The following CENPN variants were observed in gnomAD, a reference collection of about 807,000 sequenced individuals.
CENPN encodes centromere protein N.
A neutral mutation model predicts 48.6 loss-of-function variants in CENPN; 36 were observed. That is an observed-to-expected ratio of 0.74 (90% confidence interval 0.57 to 0.98). CENPN has a LOEUF of 0.98. Ranked by LOEUF, CENPN falls within the 50% of genes least tolerant of loss-of-function variation. CENPN has a pLI of 0.00. For missense variants in CENPN, 439 were observed against 399.2 expected, an observed-to-expected ratio of 1.10 and a Z score of -0.85; for synonymous variants, 166 against 135.2, an observed-to-expected ratio of 1.23 and a Z score of -1.58.
rs548305052 is a variant in CENPN, at chr16:81,029,241, C to A, written c.*590C>A. On this transcript the variant is annotated 3_prime_UTR_variant, in exon 11 of 11. Transcript: ENST00000305850. ...TTGTAAATATGATACTTCTCATAATCTATTTTATCATGTGTATAACATTCA... is the reference window on the plus strand; with the variant it reads ...TTGTAAATATGATACTTCTCATAATATATTTTATCATGTGTATAACATTCA... 9.8e-6 allele frequency: 9 copies of A among 920,130 alleles called. No individual in the cohort carries two copies. The African/African-American group carries it at 1.6e-4, about 16-fold the overall frequency. 57.0% of individuals were successfully genotyped at this position (920,130 alleles called of 1,614,324 possible). A position where few individuals can be genotyped will look rare whatever the true frequency, so the allele number is the denominator to read the frequency against.
chr16:81,024,609 T>G, intron 7 of CENPN, 106 bp from the exon 8 acceptor site: 1 of 722,248 alleles, frequency 1.4e-6, no homozygotes, highest in Non-Finnish European at 2.2e-6. Flanking sequence ...GATCTTTCTG[T>G]TGGAAAAAAA....
intron 3 of CENPN, among the ~76,000 whole-genome samples, chr16:81,014,549 CAG>C (rs74850635): frequency 0.057 from 8,689 of 152,104 alleles, 357 homozygotes; most frequent in East Asian, 0.2. Context: ...TATAACGCCT[CAG>C]AGTCTAGAGT....
chr16:81,018,203 G>A (rs546356919), intron 5 of CENPN, among the ~76,000 whole-genome samples: 1 of 151,496 alleles, frequency 6.6e-6, no homozygotes, highest in African/African-American at 2.4e-5. Flanking sequence ...TTGAGACAGA[G>A]TCTTACTCTG....
chr16:81,017,962 C>G, intron 5 of CENPN, 128 bp downstream of exon 5: 1 of 590,462 alleles, frequency 1.7e-6, no homozygotes. Flanking sequence ...TACGGTTCTA[C>G]TCCATATCAG....
Position 81,014,169 on chromosome 16 carries a change from T to G in CENPN, c.205T>G (p.Leu69Val), listed in dbSNP as rs1246179424. Residue 69 changes from leucine (L) to valine (V), a missense_variant, in exon 3 of 11, where the codon TTA becomes GTA. Coordinates refer to ENST00000305850, the MANE Select transcript of CENPN (RefSeq NM_001100624.3). Reference protein sequence around the residue: ...KRASISDAALLDIIYMQFHQH... With the variant: ...KRASISDAALVDIIYMQFHQH... ...TGCAAGTATCAGTGATGCTGCCCTG[T>G]TAGACATCATTTGTAAGTGTCAGTG... 6.2e-7 allele frequency: 1 copy of G among 1,613,186 alleles called. No homozygotes were observed. The highest frequency in any genetic ancestry group is 1.1e-5 in the South Asian group (1 of 91,080).
Position 81,028,944 on chromosome 16 carries a change from T to C in CENPN, c.*293T>C, listed in dbSNP as rs1970642498. The C allele has an allele frequency of 9.3e-7, 1 of 1,077,760 alleles. No homozygotes were observed. The highest frequency in any genetic ancestry group is 1.1e-6 in the Non-Finnish European group (1 of 890,362). 66.8% of individuals were successfully genotyped at this position (1,077,760 alleles called of 1,614,324 possible). A position where few individuals can be genotyped will look rare whatever the true frequency, so the allele number is the denominator to read the frequency against. ...CCTGAATGCTCTGAAATCAAGCATA[T>C]GGCACAGCGCTCAAGACTTTTGGGT... On this transcript the variant is annotated 3_prime_UTR_variant, in exon 11 of 11. Transcript: ENST00000305850.
chr16:81,022,886 T>C (rs1463228828), intron 7 of CENPN, 188 bp downstream of exon 7: 3 of 1,607,296 alleles, frequency 1.9e-6, no homozygotes, highest in African/African-American at 2.7e-5. Flanking sequence ...CTTTTTATAA[T>C]TGTATTGTGT....
rs1970763871 is a variant in CENPN, at chr16:81,031,293, C to G, written c.*2642C>G. The G allele has an allele frequency of 6.6e-6, 1 of 152,164 alleles. No homozygotes were observed. Among genetic ancestry groups the G allele is most frequent in the African/African-American group, 2.4e-5 (1 of 41,436 alleles). 9.4% of individuals were successfully genotyped at this position (152,164 alleles called of 1,614,324 possible). On this transcript the variant is annotated 3_prime_UTR_variant, in exon 11 of 11. Transcript: ENST00000305850. ...ACTACAACTCCTCAACAGCACCAAC[C>G]AATAAACTATGGATTTTTGTACTAA...
Position 81,015,677 on chromosome 16 carries a change from A to G in CENPN, c.217+1496A>G, listed in dbSNP as rs78191850. ...TCTCAAGCATAAAAGGTGGATCCAC[A>G]CCATTCCCATTTCTCATACATTGAT... On this transcript the variant is annotated intron_variant, in intron 3 of 10. Coordinates refer to ENST00000305850, the MANE Select transcript of CENPN (RefSeq NM_001100624.3). 4.0e-3 allele frequency among the ~76,000 whole-genome samples: 605 copies of G among 152,312 alleles called. 5 individuals carry two copies. The highest frequency in any genetic ancestry group is 0.014 in the African/African-American group (563 of 41,568).
chr16:81,026,143 G>GTA (rs372229919), intron 8 of CENPN, among the ~76,000 whole-genome samples: 101,582 of 142,968 alleles, frequency 0.71, 38,467 homozygotes, highest in South Asian at 0.89. Context: ...ATATATATAT[G>GTA]TATATATATA....
At chr16:81,024,693 A>G (rs1358676801) in intron 7 of CENPN, 22 bp from the exon 8 acceptor site, 3 of 1,548,984 alleles carry the variant, frequency 1.9e-6, no homozygotes, top group African/African-American at 1.4e-5. Context: ...GATTAGTAAA[A>G]TATTCACTTT....
chr16:81,012,041 T>G lies in CENPN; in HGVS notation c.102T>G (p.Asn34Lys). Residue 34 changes from asparagine (N) to lysine (K), a missense_variant, in exon 2 of 11, where the codon AAT (asparagine) becomes AAG (lysine). Transcript: ENST00000305850. Reference sequence around the variant, plus strand: ...AGGCCTGGGATTTTTTGTCTGAAAATCAACTGCAGACTGTAAATTTCCGAC... The same window carrying G: ...AGGCCTGGGATTTTTTGTCTGAAAAGCAACTGCAGACTGTAAATTTCCGAC... The part of the protein sequence containing the change: ...ILKAWDFLSE[N>K]QLQTVNFRQR... The G allele has an allele frequency of 6.2e-7, 1 of 1,614,124 alleles. No homozygotes were observed. The highest frequency in any genetic ancestry group is 1.3e-5 in the African/African-American group (1 of 75,034).
Position 81,028,743 on chromosome 16 carries a change from C to G in CENPN, c.*92C>G. 1 of 1,500,210 alleles carries G rather than the reference C, an allele frequency of 6.7e-7. No individual in the cohort carries two copies. Among genetic ancestry groups the G allele is most frequent in the South Asian group, 1.4e-5 (1 of 71,516 alleles). 92.9% of individuals were successfully genotyped at this position (1,500,210 alleles called of 1,614,324 possible). On this transcript the variant is annotated 3_prime_UTR_variant, in exon 11 of 11. Transcript: ENST00000305850. The stretch of plus-strand genomic sequence containing the variant: ...TAGCTGTATAGCTTCCGTCTGTAAA[C>G]TTGTATTTTCAAGAATCCTTGGTAT...
downstream of CENPN, chr16:81,032,785 G>C (rs1485780485): frequency 3.0e-6 from 4 of 1,329,608 alleles, no homozygotes; most frequent in Admixed American, 4.6e-5. Context: ...ACTAATGCAG[G>C]CCTCCTTGTT....
intron 1 of CENPN, among the ~76,000 whole-genome samples, chr16:81,009,306 G>C (rs1343230313): frequency 1.3e-5 from 2 of 152,112 alleles, no homozygotes; most frequent in Non-Finnish European, 2.9e-5. Flanking sequence ...AACCATCTAA[G>C]CTAACACCAG....
downstream of CENPN, among the ~76,000 whole-genome samples, chr16:81,031,910 T>C (rs1970795001): frequency 6.6e-6 from 1 of 152,212 alleles, no homozygotes; most frequent in African/African-American, 2.4e-5. Flanking sequence ...GCCAAAATTC[T>C]ATTTAACTTG....
rs1970701638 is a variant in CENPN at position 81,030,055 on chromosome 16, C to T, written c.*1404C>T. 1 of 271,410 alleles carries T rather than the reference C, an allele frequency of 3.7e-6. No homozygotes were observed. Among genetic ancestry groups the T allele is most frequent in the Non-Finnish European group, 5.6e-6 (1 of 177,472 alleles). The allele number at this position is 271,410 out of a possible 1,614,324, so 16.8% of individuals were successfully genotyped here. A position where few individuals can be genotyped will look rare whatever the true frequency, so the allele number is the denominator to read the frequency against. On this transcript the variant is annotated 3_prime_UTR_variant, in exon 11 of 11. Transcript: ENST00000305850. ...GCAGGGAAACTCCCATTTATAAAACCACCAGAGCTCATGAAACTTATTCAC... is the reference window on the plus strand; with the variant it reads ...GCAGGGAAACTCCCATTTATAAAACTACCAGAGCTCATGAAACTTATTCAC...
rs765567970 is a variant in CENPN at position 81,020,198 on chromosome 16, C to T, written c.453C>T (p.Tyr151=). Residue 151 remains tyrosine, a synonymous_variant, in exon 6 of 11, where the codon TAC becomes TAT. Coordinates refer to ENST00000305850, the MANE Select transcript of CENPN (RefSeq NM_001100624.3). ...YTKPNQYKPT[Y]VVYYSQTPYA... Reference sequence around the variant, plus strand: ...AGCCAAACCAGTACAAACCTACCTACGTGGTGTACTACTCCCAGACTCCGT... The same window carrying T: ...AGCCAAACCAGTACAAACCTACCTATGTGGTGTACTACTCCCAGACTCCGT... The T allele has an allele frequency of 4.3e-5, 69 of 1,613,856 alleles. 1 individual carries two copies. The South Asian group carries it at 6.5e-4, about 15-fold the overall frequency.
intron 10 of CENPN, 113 bp downstream of exon 10, chr16:81,028,410 A>T: frequency 6.7e-7 from 1 of 1,484,758 alleles, no homozygotes; most frequent in Non-Finnish European, 9.2e-7. Flanking sequence ...CTGCTAGCCC[A>T]TCCTGCTCTC....
Sources: allele counts gnomAD v4.1 joint callset (sites outside exome capture counted in the v4.1 genomes callset), GRCh38; gene constraint gnomAD v4.1.1; transcripts MANE v1.5; gene names NCBI Gene and HGNC (gene_info 2026-07-23, HGNC 2026-07-21).